The following CCDC60 variants were observed in gnomAD, a reference collection of about 807,000 sequenced individuals.
The protein encoded by CCDC60 is coiled-coil domain-containing protein 60.
A neutral mutation model predicts 63.5 loss-of-function variants in CCDC60; 54 were observed. That is an observed-to-expected ratio of 0.85 (90% CI 0.68 to 1.07). CCDC60 has a LOEUF of 1.07. Among genes scored for constraint, CCDC60 ranks in the 50% least tolerant of loss-of-function variants. The probability of loss-of-function intolerance (pLI) is 0.00; values close to 1 mark genes in which losing one functional copy is unlikely to be tolerated. For missense variants in CCDC60, 651 were observed against 684.3 expected, an observed-to-expected ratio of 0.95 and a Z score of 0.54; for synonymous variants, 206 against 238.8, an observed-to-expected ratio of 0.86 and a Z score of 1.27.
rs1386450002 is a variant in CCDC60 at position 119,445,444 on chromosome 12, A to AT, written c.170+16682_170+16683insT. ...GCGAGACTCCATCTCAAAAAAAAAA[A>AT]AAAAAAAAAAAAGGAATGCTCTGAG... is the stretch of plus-strand genomic sequence containing the variant. On this transcript the variant is annotated intron_variant, in intron 2 of 13. Transcript: ENST00000327554. Among the ~76,000 whole-genome samples, 47 of 148,562 alleles carry AT rather than the reference A, an allele frequency of 3.2e-4. 2 individuals are homozygous for AT. The South Asian group carries it at 9.8e-3, about 31-fold the overall frequency.
intron 4 of CCDC60, among the ~76,000 whole-genome samples, chr12:119,482,770 G>T (rs767361851): frequency 3.9e-5 from 6 of 152,054 alleles, no homozygotes; most frequent in African/African-American, 1.4e-4. Context: ...AGGTTGGCTC[G>T]GCTGATCTTG....
chr12:119,499,105 G>A (rs1187173964), intron 5 of CCDC60, among the ~76,000 whole-genome samples: 4 of 152,168 alleles, frequency 2.6e-5, no homozygotes, highest in African/African-American at 9.7e-5. Context: ...AGCCCCCTCA[G>A]AGGGATTATG....
At chr12:119,373,356 C>T (rs1955917126) in intron 1 of CCDC60, among the ~76,000 whole-genome samples, 1 of 152,146 alleles carries the variant, frequency 6.6e-6, no homozygotes, top group Non-Finnish European at 1.5e-5. Flanking sequence ...ACTCTAAACC[C>T]CACCGGCAGC....
intron 2 of CCDC60, among the ~76,000 whole-genome samples, chr12:119,467,398 TATG>T (rs1402459732): frequency 2.6e-5 from 4 of 152,240 alleles, no homozygotes; most frequent in African/African-American, 4.8e-5. Flanking sequence ...CACCTCCCAA[TATG>T]ATATTAGGAG....
chr12:119,342,088 G>T (rs1436682801), intron 1 of CCDC60, among the ~76,000 whole-genome samples: 2 of 152,232 alleles, frequency 1.3e-5, no homozygotes, highest in African/African-American at 4.8e-5. Context: ...CATGTGAGAA[G>T]TCTGGAGGTG....
rs759775504 is a variant in CCDC60 at position 119,528,597 on chromosome 12, T to C, written c.1230-18T>C. 2 of 1,606,116 alleles carry C rather than the reference T, an allele frequency of 1.2e-6. No individual in the cohort carries two copies. The highest frequency in any genetic ancestry group is 1.7e-6 in the Non-Finnish European group (2 of 1,175,634). On this transcript the variant is annotated intron_variant, in intron 11 of 13. Transcript: ENST00000327554. The stretch of plus-strand genomic sequence containing the variant: ...AGGGGATCTCATTCTTCTCTCTCTT[T>C]CTCATACAACCTTGTAGGCGCCAAG...
rs1952483733 is a variant in CCDC60 at position 119,520,135 on chromosome 12, T to C, written c.983T>C (p.Leu328Pro). The change falls in exon 9 of 14, where the codon CTG becomes CCG. Residue 328 changes from leucine (L) to proline (P), a missense_variant. Leu to Pro is a moderately conservative substitution (Grantham distance 98). Coordinates refer to ENST00000327554, the MANE Select transcript of CCDC60 (RefSeq NM_178499.5). ...QRKAPSILSV[L>P]KQNKSNSAYK... is the part of the protein sequence containing the mutation. ...TTGCCTTGCAGCATCTTGTCAGTGCTGAAACAAAACAAGAGTAATTCTGCT... is the reference window on the plus strand; with the variant it reads ...TTGCCTTGCAGCATCTTGTCAGTGCCGAAACAAAACAAGAGTAATTCTGCT... 6.2e-7 allele frequency: 1 copy of C among 1,613,882 alleles called. No individual in the cohort carries two copies. Among genetic ancestry groups the C allele is most frequent in the Non-Finnish European group, 8.5e-7 (1 of 1,179,956 alleles).
At chr12:119,503,756 C>T (rs1030710320) in intron 6 of CCDC60, among the ~76,000 whole-genome samples, 1 of 152,204 alleles carries the variant, frequency 6.6e-6, no homozygotes, top group African/African-American at 2.4e-5. Flanking sequence ...AATATTGCTT[C>T]TGATCACATA....
intron 8 of CCDC60, among the ~76,000 whole-genome samples, chr12:119,519,468 T>TATATA (rs1173768783): frequency 1.2e-4 from 10 of 82,792 alleles, no homozygotes; most frequent in East Asian, 8.5e-4. Flanking sequence ...TATATATATA[T>TATATA]TTTTTTTTTT....
Position 119,479,995 on chromosome 12 carries a change from T to TACACACACACAC in CCDC60, c.449+833_449+844dup, listed in dbSNP as rs56080581. Among the ~76,000 whole-genome samples, 36 of 122,076 alleles carry TACACACACACAC rather than the reference T, an allele frequency of 2.9e-4. 2 individuals carry two copies. In the East Asian group the frequency reaches 3.5e-3, roughly 12 times the overall value. 80.1% of individuals were successfully genotyped at this position (122,076 alleles called of 152,430 possible). A position where few individuals can be genotyped will look rare whatever the true frequency, so the allele number is the denominator to read the frequency against. ...GTGCATGAGCCCCCACCGTACATCA[T>TACACACACACAC]ACACACACACACACACACACACACA... On this transcript the variant is annotated intron_variant, in intron 4 of 13. Transcript: ENST00000327554.
At chr12:119,522,884 C>G in intron 9 of CCDC60, 55 bp from the exon 10 acceptor site, 1 of 1,552,524 alleles carries the variant, frequency 6.4e-7, no homozygotes, top group Non-Finnish European at 8.9e-7. Flanking sequence ...CTGGGGGCAC[C>G]CTTTTCTTGA....
intron 1 of CCDC60, among the ~76,000 whole-genome samples, chr12:119,357,839 AT>A (rs1330291149): frequency 6.6e-6 from 1 of 152,196 alleles, no homozygotes; most frequent in African/African-American, 2.4e-5. Context: ...CTGAGACTGA[AT>A]AATTTACAAA....
At chr12:119,526,024 G>T (rs1240729861) in intron 11 of CCDC60, among the ~76,000 whole-genome samples, 4 of 152,110 alleles carry the variant, frequency 2.6e-5, no homozygotes, top group Non-Finnish European at 5.9e-5. Context: ...ATACTACAAG[G>T]TGACAGTGAC....
intron 1 of CCDC60, chr12:119,387,865 T>A (rs1449209646): frequency 6.6e-6 from 1 of 152,224 alleles, no homozygotes; most frequent in African/African-American, 2.4e-5. Flanking sequence ...CACGATTACA[T>A]GCAATGCTAT....
At chr12:119,438,869 G>A (rs1186308191) in intron 2 of CCDC60, among the ~76,000 whole-genome samples, 1 of 151,988 alleles carries the variant, frequency 6.6e-6, no homozygotes, top group African/African-American at 2.4e-5. Context: ...AGGGATTTTT[G>A]TGTCTGAATA....
chr12:119,437,789 ATTGT>A (rs1313962101), intron 2 of CCDC60, among the ~76,000 whole-genome samples: 2 of 152,306 alleles, frequency 1.3e-5, no homozygotes, highest in African/African-American at 4.8e-5. Context: ...AAGCCCCAGG[ATTGT>A]TTAAGATCAT....
chr12:119,397,684 G>C (rs1036057794), intron 1 of CCDC60, among the ~76,000 whole-genome samples: 3 of 138,710 alleles, frequency 2.2e-5, no homozygotes, highest in Admixed American at 7.5e-5. Context: ...GGCAGGGGTG[G>C]AGTTGCCGGC....
At chr12:119,470,691 C>G (rs760628053) in intron 2 of CCDC60, among the ~76,000 whole-genome samples, 2 of 152,146 alleles carry the variant, frequency 1.3e-5, no homozygotes, top group Admixed American at 6.5e-5. Context: ...AGGAAGAGGC[C>G]ACCTTCAAAC....
chr12:119,467,081 A>T (rs1950966446), intron 2 of CCDC60, among the ~76,000 whole-genome samples: 1 of 152,260 alleles, frequency 6.6e-6, no homozygotes, highest in Non-Finnish European at 1.5e-5. Context: ...GTGGGTATAA[A>T]TATGACTGCA....
Sources: gnomAD v4.1 joint callset for allele counts (sites outside exome capture counted in the v4.1 genomes callset) on GRCh38, gnomAD v4.1.1 for gene constraint, MANE v1.5 for transcripts, NCBI Gene and HGNC (gene_info 2026-07-23, HGNC 2026-07-21) for gene names.